Variants in OR2C1 observed in about 807,000 individuals in gnomAD.
The protein encoded by OR2C1 is olfactory receptor family 2 subfamily C member 1.
For synonymous variants in OR2C1, 209 were observed against 167.3 expected (o/e 1.25, Z -1.92); for missense variants, 468 against 388.3 (o/e 1.21, Z -1.73).
chr16:3,338,216 A>G, the OR2C1 span, among the ~76,000 whole-genome samples: 15 of 152,162 alleles, frequency 9.9e-5, no homozygotes, highest in Admixed American at 9.8e-4. Context: ...TACACAGCAG[A>G]GATTTCAGGG....
At chr16:3,349,657 A>AG in the OR2C1 span, among the ~76,000 whole-genome samples, 1 of 152,206 alleles carries the variant, frequency 6.6e-6, no homozygotes, top group African/African-American at 2.4e-5. Context: ...AGAGGCGAAC[A>AG]GGGGGGAAAA....
chr16:3,331,180 G>A, the OR2C1 span, among the ~76,000 whole-genome samples: 3 of 152,200 alleles, frequency 2.0e-5, no homozygotes, highest in African/African-American at 2.4e-5. Context: ...CTGCATAAAT[G>A]TCTTCTTTTG....
chr16:3,348,419 T>G, the OR2C1 span, among the ~76,000 whole-genome samples: 3 of 152,230 alleles, frequency 2.0e-5, no homozygotes, highest in Non-Finnish European at 4.4e-5. Context: ...TGCAGTTTAC[T>G]AGCCATTTGC....
the OR2C1 span, among the ~76,000 whole-genome samples, chr16:3,347,310 G>A: frequency 2.0e-5 from 3 of 149,998 alleles, no homozygotes; most frequent in East Asian, 5.9e-4. Context: ...AGGGAGGATA[G>A]CCTGAGCCCA....
chr16:3,327,391 CCT>C, the OR2C1 span, among the ~76,000 whole-genome samples: 75 of 152,184 alleles, frequency 4.9e-4, no homozygotes, highest in Non-Finnish European at 8.4e-4. Context: ...GGGAACAGTT[CCT>C]ACTCAGTGGA....
chr16:3,355,900 T>G lies in OR2C1; in HGVS notation c.-41T>G. 1 of 1,437,940 alleles carries G rather than the reference T, an allele frequency of 7.0e-7. No homozygotes were observed. Among genetic ancestry groups the G allele is most frequent in the Non-Finnish European group, 9.5e-7 (1 of 1,049,042 alleles). 89.1% of individuals were successfully genotyped at this position (1,437,940 alleles called of 1,614,324 possible). ...TTTCTTGACTTTTCTTCCAGCAGCT[T>G]GCGCTAAATGAATTCATCAAGTGAC... On this transcript the variant is annotated 5_prime_UTR_variant, in exon 1 of 1. Coordinates refer to ENST00000304936, the MANE Select transcript of OR2C1 (RefSeq NM_012368.3).
the OR2C1 span, among the ~76,000 whole-genome samples, chr16:3,331,447 C>T: frequency 6.6e-6 from 1 of 151,332 alleles, no homozygotes; most frequent in South Asian, 2.1e-4. Context: ...GTGTTTTAGA[C>T]ATGAAGTCCT....
chr16:3,347,723 G>A, the OR2C1 span, among the ~76,000 whole-genome samples: 8 of 152,030 alleles, frequency 5.3e-5, no homozygotes, highest in African/African-American at 1.7e-4. Context: ...GTGAGAACCT[G>A]CAAATCTAGC....
the OR2C1 span, among the ~76,000 whole-genome samples, chr16:3,334,105 T>TG: frequency 1.3e-5 from 2 of 151,650 alleles, no homozygotes; most frequent in Admixed American, 1.3e-4. Context: ...TCTGAGTAGC[T>TG]GGAACTACGC....
chr16:3,342,465 C>T, the OR2C1 span, among the ~76,000 whole-genome samples: 1 of 152,136 alleles, frequency 6.6e-6, no homozygotes, highest in Non-Finnish European at 1.5e-5. Context: ...CACTTGTAAT[C>T]CCAGCACTTT....
At chr16:3,346,682 TGC>T in the OR2C1 span, among the ~76,000 whole-genome samples, 2 of 142,590 alleles carry the variant, frequency 1.4e-5, no homozygotes, top group African/African-American at 5.2e-5. Context: ...CAGGCTGGAG[TGC>T]AGTGGCGCAA....
chr16:3,353,987 T>TC (rs1035658658), upstream of OR2C1, among the ~76,000 whole-genome samples: 11 of 113,788 alleles, frequency 9.7e-5, no homozygotes, highest in East Asian at 8.6e-4. Flanking sequence ...TCTTTTCTTT[T>TC]TTTTTTTTTT....
chr16:3,329,917 G>A, the OR2C1 span, among the ~76,000 whole-genome samples: 1 of 150,252 alleles, frequency 6.7e-6, no homozygotes, highest in African/African-American at 2.5e-5. Flanking sequence ...ATTATGCCTG[G>A]CTAATTTTTG....
chr16:3,330,343 C>T, the OR2C1 span, among the ~76,000 whole-genome samples: 1 of 151,942 alleles, frequency 6.6e-6, no homozygotes, highest in Non-Finnish European at 1.5e-5. Flanking sequence ...GTCTCGATCT[C>T]CTGACCTCGT....
At chr16:3,338,758 G>C in the OR2C1 span, among the ~76,000 whole-genome samples, 2 of 151,916 alleles carry the variant, frequency 1.3e-5, no homozygotes, top group South Asian at 2.1e-4. Flanking sequence ...GGATGGTCTC[G>C]ATCTCCTGAC....
At chr16:3,335,520 CTTTTT>C in the OR2C1 span, among the ~76,000 whole-genome samples, 143 of 55,466 alleles carry the variant, frequency 2.6e-3, no homozygotes, top group African/African-American at 0.01. Flanking sequence ...AATGCTACTG[CTTTTT>C]TTTTTTTTTT....
chr16:3,323,288 C>G, the OR2C1 span: 1 of 882,112 alleles, frequency 1.1e-6, no homozygotes, highest in Non-Finnish European at 1.9e-6. Flanking sequence ...CATGATGGAC[C>G]ACTGAGAGGT....
the OR2C1 span, among the ~76,000 whole-genome samples, chr16:3,349,640 A>G: frequency 6.6e-6 from 1 of 152,100 alleles, no homozygotes; most frequent in African/African-American, 2.4e-5. Context: ...TCCAGGATAT[A>G]AGAGAGAGAG....
upstream of OR2C1, chr16:3,355,798 A>T: frequency 4.7e-6 from 3 of 636,368 alleles, no homozygotes; most frequent in South Asian, 6.1e-5. Flanking sequence ...CAAACAAAAA[A>T]TAGGTTGTTA....
Sources: allele counts gnomAD v4.1 joint callset (sites outside exome capture counted in the v4.1 genomes callset), GRCh38; gene constraint gnomAD v4.1.1; transcripts MANE v1.5; gene names NCBI Gene and HGNC (gene_info 2026-07-23, HGNC 2026-07-21).